Variants in FGGY observed in about 807,000 individuals in gnomAD.
The protein encoded by FGGY is FGGY carbohydrate kinase domain containing, also known as FGGY carbohydrate kinase domain-containing protein.
Under a neutral mutation model 71.3 loss-of-function variants are expected in FGGY, and 72 were observed. The ratio of observed to expected loss-of-function variants is 1.01; its 90% CI spans 0.84 to 1.23. The LOEUF (loss-of-function observed/expected upper bound fraction) is 1.23. Ranked by LOEUF, FGGY falls within the 50% of genes most tolerant of loss-of-function variation. FGGY has a pLI of 0.00. For missense variants in FGGY, 668 were observed against 682.3 expected, an observed-to-expected ratio of 0.98 and a Z score of 0.23; for synonymous variants, 251 against 250.3, an observed-to-expected ratio of 1.00 and a Z score of -0.02.
intron 1 of FGGY, among the ~76,000 whole-genome samples, chr1:59,309,324 A>G (rs1229301187): frequency 1.3e-5 from 2 of 152,178 alleles, no homozygotes; most frequent in Non-Finnish European, 1.5e-5. Flanking sequence ...TTATTTTTCT[A>G]TGAACTATAA....
chr1:59,579,995 G>A (rs1233072070), intron 8 of FGGY, among the ~76,000 whole-genome samples: 1 of 151,960 alleles, frequency 6.6e-6, no homozygotes, highest in Non-Finnish European at 1.5e-5. Flanking sequence ...TCTGCCACAG[G>A]GCCTTTGTAC....
At chr1:59,479,469 C>A (rs1316762850) in intron 6 of FGGY, among the ~76,000 whole-genome samples, 1 of 152,040 alleles carries the variant, frequency 6.6e-6, no homozygotes, top group Non-Finnish European at 1.5e-5. Flanking sequence ...TACTGTGGGT[C>A]CAGAGAAGAC....
At chr1:59,645,495 G>A (rs2097084921) in intron 11 of FGGY, among the ~76,000 whole-genome samples, 1 of 152,186 alleles carries the variant, frequency 6.6e-6, no homozygotes. Context: ...CAGAAAGCAA[G>A]TTTCATACAG....
At chr1:59,655,761 A>G (rs1464803673) in intron 11 of FGGY, among the ~76,000 whole-genome samples, 1 of 152,234 alleles carries the variant, frequency 6.6e-6, no homozygotes, top group Non-Finnish European at 1.5e-5. Context: ...GAAAAAAGTA[A>G]TTCACTTTGC....
intron 7 of FGGY, among the ~76,000 whole-genome samples, chr1:59,524,040 C>T (rs1247642164): frequency 6.6e-6 from 1 of 152,226 alleles, no homozygotes; most frequent in Non-Finnish European, 1.5e-5. Flanking sequence ...ACCTGGGCAT[C>T]CCTACGCTCT....
intron 4 of FGGY, among the ~76,000 whole-genome samples, chr1:59,368,399 G>A (rs2056942933): frequency 6.6e-6 from 1 of 152,194 alleles, no homozygotes; most frequent in South Asian, 2.1e-4. Context: ...GGTGGTAACT[G>A]TGGCATAGTG....
At chr1:59,549,668 G>T (rs2095578383) in intron 7 of FGGY, among the ~76,000 whole-genome samples, 1 of 152,152 alleles carries the variant, frequency 6.6e-6, no homozygotes, top group South Asian at 2.1e-4. Context: ...ACAAATGCGA[G>T]AACTCAGGAT....
In FGGY at chr1:59,563,968, G is replaced by T. The variant is rs192617945; in HGVS notation, c.903+9741G>T. On this transcript the variant is annotated intron_variant, in intron 8 of 15. Coordinates refer to ENST00000303721, the MANE Select transcript of FGGY (RefSeq NM_018291.5). ...GATTCCCTATTTAATAAATGGTGTT[G>T]GGAAAACTGGCTAGCCATATGCAGA... 5.3e-5 allele frequency among the ~76,000 whole-genome samples: 8 copies of T among 152,302 alleles called. No individual in the cohort carries two copies. In the East Asian group the frequency reaches 1.5e-3, roughly 29 times the overall value.
intron 5 of FGGY, among the ~76,000 whole-genome samples, chr1:59,383,048 G>A (rs760683079): frequency 6.6e-6 from 1 of 152,074 alleles, no homozygotes; most frequent in Non-Finnish European, 1.5e-5. Context: ...GTGTGACCTT[G>A]GGCAAGTCTC....
At chr1:59,673,280 A>G (rs1459368503) in intron 13 of FGGY, among the ~76,000 whole-genome samples, 1 of 152,158 alleles carries the variant, frequency 6.6e-6, no homozygotes, top group Non-Finnish European at 1.5e-5. Context: ...GCTCAGTAGG[A>G]AGGTGATGTT....
intron 14 of FGGY, among the ~76,000 whole-genome samples, chr1:59,677,090 G>A (rs2097442834): frequency 6.6e-6 from 1 of 152,130 alleles, no homozygotes. Flanking sequence ...AACTGCTTTG[G>A]AAATGAAAAT....
intron 4 of FGGY, among the ~76,000 whole-genome samples, chr1:59,369,217 C>T (rs1200122195): frequency 6.7e-5 from 10 of 149,870 alleles, no homozygotes; most frequent in South Asian, 2.1e-4. Flanking sequence ...CCCGATACTG[C>T]GCTTTTCCGA....
At chr1:59,345,388 T>C (rs60252896) in intron 3 of FGGY, among the ~76,000 whole-genome samples, 7,720 of 152,202 alleles carry the variant, frequency 0.051, 455 homozygotes, top group African/African-American at 0.14. Context: ...GGCTTGCCCA[T>C]TGGTACAGGA....
chr1:59,441,143 T>C (rs1427007852), intron 5 of FGGY, among the ~76,000 whole-genome samples: 2 of 152,168 alleles, frequency 1.3e-5, no homozygotes, highest in Non-Finnish European at 2.9e-5. Flanking sequence ...CATATGTCTA[T>C]TTTCCCATCT....
chr1:59,536,163 C>T (rs1481182869), intron 7 of FGGY, among the ~76,000 whole-genome samples: 2 of 151,800 alleles, frequency 1.3e-5, no homozygotes, highest in Non-Finnish European at 2.9e-5. Context: ...ACCGATCCCA[C>T]AGAAATACAA....
At chr1:59,346,030 A>G (rs192430737) in intron 3 of FGGY, among the ~76,000 whole-genome samples, 23 of 152,318 alleles carry the variant, frequency 1.5e-4, no homozygotes, top group Admixed American at 6.5e-4. Context: ...CATTTATTCT[A>G]AGGTCATGGT....
chr1:59,626,124 G>C lies in FGGY; in HGVS notation c.1073+75G>C, dbSNP rs191588173. 486 of 1,215,224 alleles carry C rather than the reference G, an allele frequency of 4.0e-4. 2 individuals are homozygous for C. In the South Asian group the frequency reaches 4.3e-3, roughly 11 times the overall value. 75.3% of individuals were successfully genotyped at this position (1,215,224 alleles called of 1,614,324 possible). On this transcript the variant is annotated intron_variant, in intron 10 of 15. Coordinates refer to ENST00000303721, the MANE Select transcript of FGGY (RefSeq NM_018291.5). ...GAGAGAATTCACGTTGGGCAGTTGG[G>C]TGATTTTCAGATCCTACAGACAATG...
At chr1:59,683,151 T>G (rs1185511957) in intron 14 of FGGY, among the ~76,000 whole-genome samples, 1 of 152,238 alleles carries the variant, frequency 6.6e-6, no homozygotes, top group Non-Finnish European at 1.5e-5. Context: ...ACCCTGAGCC[T>G]GGCACTGTGC....
intron 15 of FGGY, among the ~76,000 whole-genome samples, chr1:59,762,024 A>C (rs1378821133): frequency 2.6e-5 from 4 of 151,816 alleles, no homozygotes; most frequent in Non-Finnish European, 5.9e-5. Context: ...CAGCTCTGCC[A>C]GTTTTTATCT....
Sources: gnomAD v4.1 joint callset for allele counts (sites outside exome capture counted in the v4.1 genomes callset) on GRCh38, gnomAD v4.1.1 for gene constraint, MANE v1.5 for transcripts, NCBI Gene and HGNC (gene_info 2026-07-23, HGNC 2026-07-21) for gene names.